RPH3AL: variants seen among roughly 807,000 people sequenced by gnomAD.
RPH3AL encodes rabphilin 3A like (without C2 domains).
In RPH3AL, 38 loss-of-function variants were observed where a neutral mutation model predicts 43.1. The ratio of observed to expected loss-of-function variants is 0.88; its 90% CI spans 0.68 to 1.15. The LOEUF (loss-of-function observed/expected upper bound fraction) is 1.15. Among genes scored for constraint, RPH3AL ranks in the 50% most tolerant of loss-of-function variants. The pLI is 0.00. For missense variants in RPH3AL, 462 were observed against 423.2 expected (o/e 1.09, Z -0.81); for synonymous variants, 189 against 176.3 (o/e 1.07, Z -0.57).
intron 7 of RPH3AL, among the ~76,000 whole-genome samples, chr17:234,744 A>T (rs2041322342): frequency 6.6e-6 from 1 of 152,208 alleles, no homozygotes; most frequent in South Asian, 2.1e-4. Context: ...CGCGGCTGGT[A>T]TATGTGACAG....
rs537610038 is a variant in RPH3AL, at chr17:312,230, G to T, written c.351+7190C>A. ...GTGGGAAGATTGCAGGACCCCAGGAGTTGAAGGCTGCAGTGAACAATGATC... is the reference window on the plus strand; with the variant it reads ...GTGGGAAGATTGCAGGACCCCAGGATTTGAAGGCTGCAGTGAACAATGATC... On this transcript the variant is annotated intron_variant, in intron 5 of 9. Coordinates refer to ENST00000331302, the MANE Select transcript of RPH3AL (RefSeq NM_006987.4). 9.9e-5 allele frequency among the ~76,000 whole-genome samples: 15 copies of T among 152,246 alleles called. No individual in the cohort carries two copies. The South Asian group carries it at 2.7e-3, about 27-fold the overall frequency.
chr17:350,850 A>C (rs1598178649), intron 1 of RPH3AL, among the ~76,000 whole-genome samples: 1 of 152,164 alleles, frequency 6.6e-6, no homozygotes, highest in East Asian at 1.9e-4. Flanking sequence ...ATAGGGCAGG[A>C]AACAGCAGGC....
chr17:293,380 C>G (rs1322934017), intron 5 of RPH3AL, among the ~76,000 whole-genome samples: 1 of 151,640 alleles, frequency 6.6e-6, no homozygotes, highest in Admixed American at 6.6e-5. Context: ...GACGGGGCTT[C>G]GGATCATTTC....
chr17:330,270 G>A (rs1241600093), intron 2 of RPH3AL, among the ~76,000 whole-genome samples: 1 of 152,222 alleles, frequency 6.6e-6, no homozygotes, highest in Admixed American at 6.5e-5. Flanking sequence ...CCTCCCCAGT[G>A]AGCTGCCTCA....
chr17:248,886 C>T (rs993508955), intron 6 of RPH3AL, among the ~76,000 whole-genome samples: 1 of 152,238 alleles, frequency 6.6e-6, no homozygotes, highest in Non-Finnish European at 1.5e-5. Flanking sequence ...CAAGATGCCA[C>T]CTGCCTGCCT....
At chr17:315,136 C>G (rs1276629067) in intron 5 of RPH3AL, among the ~76,000 whole-genome samples, 1 of 145,442 alleles carries the variant, frequency 6.9e-6, no homozygotes, top group Non-Finnish European at 1.5e-5. Context: ...TCTCTGTGCT[C>G]CACCTCCATT....
At chr17:324,263 C>T (rs2044556904) in intron 3 of RPH3AL, among the ~76,000 whole-genome samples, 1 of 152,342 alleles carries the variant, frequency 6.6e-6, no homozygotes, top group South Asian at 2.1e-4. Context: ...GCCGCCTCCG[C>T]ACCCACGTTC....
At chr17:248,457 G>A (rs1478954370) in intron 6 of RPH3AL, among the ~76,000 whole-genome samples, 1 of 152,158 alleles carries the variant, frequency 6.6e-6, no homozygotes, top group Non-Finnish European at 1.5e-5. Flanking sequence ...GCCTGCCAGG[G>A]CCCAAGCAGG....
At chr17:319,296 G>A (rs1394576992) in intron 5 of RPH3AL, 124 bp downstream of exon 5, 3 of 1,180,870 alleles carry the variant, frequency 2.5e-6, no homozygotes, top group East Asian at 2.6e-5. Flanking sequence ...TTGCCAAGAT[G>A]CAGAGGATAC....
At chr17:311,242 T>C (rs1387614572) in intron 5 of RPH3AL, among the ~76,000 whole-genome samples, 2 of 152,212 alleles carry the variant, frequency 1.3e-5, no homozygotes, top group Non-Finnish European at 2.9e-5. Flanking sequence ...TCCCTCCTCC[T>C]CGGTCCACTG....
intron 5 of RPH3AL, among the ~76,000 whole-genome samples, chr17:315,969 C>A: frequency 6.7e-6 from 1 of 149,032 alleles, no homozygotes; most frequent in East Asian, 1.9e-4. Context: ...GACCCCACCT[C>A]CACTGACGTG....
chr17:286,192 C>T (rs995585726), intron 5 of RPH3AL, among the ~76,000 whole-genome samples: 3 of 152,188 alleles, frequency 2.0e-5, no homozygotes, highest in South Asian at 2.1e-4. Context: ...TCACAGACCA[C>T]GAGGACGCGG....
In RPH3AL at chr17:245,930, C is replaced by T. The variant is rs982898630; in HGVS notation, c.613+1181G>A. ...TGAACTCATAGGCAGCAGAGGTGTA[C>T]GCAGCATCCGGTAGGACCAGCGAGG... On this transcript the variant is annotated intron_variant, in intron 7 of 9. Coordinates refer to ENST00000331302, the MANE Select transcript of RPH3AL (RefSeq NM_006987.4). This position sits in a 1 kb window ranked among gnomAD's most constrained non-coding sequence, Gnocchi z 5.9. 2.6e-5 allele frequency among the ~76,000 whole-genome samples: 4 copies of T among 152,110 alleles called. No homozygotes were observed. The highest frequency in any genetic ancestry group is 5.9e-5 in the Non-Finnish European group (4 of 68,022).
In RPH3AL at chr17:283,126, C is replaced by T. The variant is rs78097871; in HGVS notation, c.352-1272G>A. 1.8e-4 allele frequency among the ~76,000 whole-genome samples: 27 copies of T among 151,616 alleles called. No homozygotes were observed. In the East Asian group the frequency reaches 4.7e-3, roughly 26 times the overall value. On this transcript the variant is annotated intron_variant, in intron 5 of 9. Coordinates refer to ENST00000331302, the MANE Select transcript of RPH3AL (RefSeq NM_006987.4). This position sits in a 1 kb window ranked among gnomAD's most constrained non-coding sequence, Gnocchi z 4.2. Reference sequence around the variant, plus strand: ...CCAGCTCATCCATCTTTCTGCCACACGGAAGCCACCCGGTCCCTGCGTGGG... The same window carrying T: ...CCAGCTCATCCATCTTTCTGCCACATGGAAGCCACCCGGTCCCTGCGTGGG...
At chr17:293,763 T>A (rs1037260289) in intron 5 of RPH3AL, among the ~76,000 whole-genome samples, 30 of 151,900 alleles carry the variant, frequency 2.0e-4, no homozygotes, top group African/African-American at 5.8e-4. Context: ...GCGCGGTGGC[T>A]CACGCCTGTA....
chr17:315,072 GCTCC>G (rs2043899813), intron 5 of RPH3AL, among the ~76,000 whole-genome samples: 1 of 112,922 alleles, frequency 8.9e-6, no homozygotes, highest in Non-Finnish European at 1.8e-5. Context: ...TAGTCCCTGT[GCTCC>G]ACCTCCACTG....
In RPH3AL at chr17:290,814, C is replaced by A. The variant is rs1335881930; in HGVS notation, c.352-8960G>T. Among the ~76,000 whole-genome samples, 2 of 152,196 alleles carry A rather than the reference C, an allele frequency of 1.3e-5. No homozygotes were observed. The highest frequency in any genetic ancestry group is 2.9e-5 in the Non-Finnish European group (2 of 68,032). On this transcript the variant is annotated intron_variant, in intron 5 of 9. Transcript: ENST00000331302. The surrounding 1 kb of genome is among the most constrained non-coding windows in gnomAD (Gnocchi z 4.2). Reference sequence around the variant, plus strand: ...AGCAGACGCCGCCATCTCACAGCACCCGCGGTCTGGAGTCAGTCACTGGCA... The same window carrying A: ...AGCAGACGCCGCCATCTCACAGCACACGCGGTCTGGAGTCAGTCACTGGCA...
At chr17:286,825 G>C (rs1188369750) in intron 5 of RPH3AL, among the ~76,000 whole-genome samples, 1 of 152,134 alleles carries the variant, frequency 6.6e-6, no homozygotes, top group Non-Finnish European at 1.5e-5. Flanking sequence ...CTGCAGCCTG[G>C]AACTGCGTCC....
rs1206903134 is a variant in RPH3AL, at chr17:309,734, G to A, written c.351+9686C>T. On this transcript the variant is annotated intron_variant, in intron 5 of 9. Coordinates refer to ENST00000331302, the MANE Select transcript of RPH3AL (RefSeq NM_006987.4). ...CCTCCTGCTGGGGGTCCAGGATACG[G>A]CATGTCCCCTGCCCTGCCCCAGGCT... is the stretch of plus-strand genomic sequence containing the variant. 5.0e-5 allele frequency among the ~76,000 whole-genome samples: 7 copies of A among 140,622 alleles called. No individual in the cohort carries two copies. In the East Asian group the frequency reaches 5.9e-4, roughly 12 times the overall value. The allele number at this position is 140,622 out of a possible 152,430, so 92.3% of individuals were successfully genotyped here. A position where few individuals can be genotyped will look rare whatever the true frequency, so the allele number is the denominator to read the frequency against.
Sources: gnomAD v4.1 joint callset for allele counts (sites outside exome capture counted in the v4.1 genomes callset) on GRCh38, gnomAD v4.1.1 for gene constraint, Gnocchi (gnomAD v3.1) non-coding constraint, MANE v1.5 for transcripts, NCBI Gene and HGNC (gene_info 2026-07-23, HGNC 2026-07-21) for gene names.